Variants in ASTN1 observed in about 807,000 individuals in gnomAD.
The protein encoded by ASTN1 is astrotactin-1.
Under a neutral mutation model 140.7 loss-of-function variants are expected in ASTN1, and 41 were observed. That is an observed-to-expected ratio of 0.29 (90% CI 0.23 to 0.38). The LOEUF is 0.38. Among genes scored for constraint, ASTN1 ranks in the 10% least tolerant of loss-of-function variants. The pLI is 1.00. For missense variants in ASTN1, 1,479 were observed against 1,678.8 expected (o/e 0.88, Z 2.08); for synonymous variants, 640 against 652.2 (o/e 0.98, Z 0.29).
chr1:176,985,911 C>T (rs1673883025), intron 8 of ASTN1, among the ~76,000 whole-genome samples: 1 of 148,772 alleles, frequency 6.7e-6, no homozygotes, highest in Admixed American at 6.7e-5. Flanking sequence ...GCCTTTTCCT[C>T]CCATCTAGGG....
At chr1:177,035,548 G>C (rs991022530) in intron 2 of ASTN1, among the ~76,000 whole-genome samples, 1 of 152,182 alleles carries the variant, frequency 6.6e-6, no homozygotes, top group Non-Finnish European at 1.5e-5. Flanking sequence ...GTAAAAAGAC[G>C]ATACTCACAT....
At chr1:176,921,262 T>C (rs557411565) in intron 16 of ASTN1, among the ~76,000 whole-genome samples, 4 of 152,214 alleles carry the variant, frequency 2.6e-5, no homozygotes, top group Non-Finnish European at 5.9e-5. Flanking sequence ...TTGAACCAAC[T>C]TTCAAAGAGT....
chr1:177,032,204 G>A (rs954832562), intron 3 of ASTN1, among the ~76,000 whole-genome samples: 3 of 152,160 alleles, frequency 2.0e-5, no homozygotes, highest in Admixed American at 1.3e-4. Flanking sequence ...TCTGTTGAAC[G>A]TTAAAGTATG....
intron 16 of ASTN1, among the ~76,000 whole-genome samples, chr1:176,923,531 C>T (rs1032310518): frequency 2.0e-5 from 3 of 152,230 alleles, no homozygotes; most frequent in African/African-American, 7.2e-5. Flanking sequence ...ATAGTCAACT[C>T]CAGTCCAGAA....
At chr1:177,003,571 A>G (rs4650955) in intron 8 of ASTN1, among the ~76,000 whole-genome samples, 83,393 of 152,028 alleles carry the variant, frequency 0.55, 23,363 homozygotes, top group Non-Finnish European at 0.58. Context: ...AGCACCTTGG[A>G]AGGCCAAGGC....
At chr1:176,870,570 T>G (rs1192914395) in intron 21 of ASTN1, among the ~76,000 whole-genome samples, 1 of 152,220 alleles carries the variant, frequency 6.6e-6, no homozygotes, top group Non-Finnish European at 1.5e-5. Context: ...CCAAAAATGT[T>G]ACCTGAATGA....
intron 7 of ASTN1, among the ~76,000 whole-genome samples, chr1:177,019,669 G>A (rs1675720877): frequency 1.3e-5 from 2 of 152,112 alleles, no homozygotes; most frequent in South Asian, 4.1e-4. Context: ...TGGGCTGAGT[G>A]CTCTAGGTAT....
At chr1:177,145,801 C>G (rs1682694686) in intron 1 of ASTN1, among the ~76,000 whole-genome samples, 1 of 152,164 alleles carries the variant, frequency 6.6e-6, no homozygotes, top group African/African-American at 2.4e-5. Context: ...GAGATATAAA[C>G]CAAGTGCTGC....
intron 11 of ASTN1, among the ~76,000 whole-genome samples, chr1:176,952,446 C>G (rs1002467964): frequency 6.6e-6 from 1 of 151,972 alleles, no homozygotes; most frequent in Admixed American, 6.6e-5. Flanking sequence ...TGCACTGGAA[C>G]TTGCTTAGGC....
In ASTN1 at chr1:176,999,525, CAAG is replaced by C. The variant is rs145243534; in HGVS notation, c.1523+15263_1523+15265del. Among the ~76,000 whole-genome samples the C allele has an allele frequency of 3.5e-3, 530 of 152,282 alleles. 1 individual carries two copies. The highest frequency in any genetic ancestry group is 0.021 in the East Asian group (110 of 5,184). ...TCATGTGGAATTGAACAAGCATAGC[CAAG>C]AAGTTTTGAGTAAGGGGTTAAGTTC... On this transcript the variant is annotated intron_variant, in intron 8 of 22. Coordinates refer to ENST00000361833, the MANE Select transcript of ASTN1 (RefSeq NM_004319.3).
intron 11 of ASTN1, among the ~76,000 whole-genome samples, chr1:176,953,583 C>A (rs1189890219): frequency 6.6e-6 from 1 of 152,022 alleles, no homozygotes; most frequent in Non-Finnish European, 1.5e-5. Flanking sequence ...CTGGAAGCCT[C>A]TGAGGCACAC....
intron 16 of ASTN1, among the ~76,000 whole-genome samples, chr1:176,923,160 A>G (rs1289951378): frequency 6.6e-6 from 1 of 152,184 alleles, no homozygotes; most frequent in African/African-American, 2.4e-5. Flanking sequence ...AACTACTTCC[A>G]TTGCAATATC....
intron 17 of ASTN1, among the ~76,000 whole-genome samples, chr1:176,891,292 G>T (rs1669254431): frequency 6.6e-6 from 1 of 152,176 alleles, no homozygotes; most frequent in Non-Finnish European, 1.5e-5. Context: ...TGTCTCTAAG[G>T]AGAGTGGTTG....
At chr1:176,990,238 TG>T (rs1186691996) in intron 8 of ASTN1, among the ~76,000 whole-genome samples, 7 of 12,130 alleles carry the variant, frequency 5.8e-4, no homozygotes, top group East Asian at 3.5e-3. Context: ...ACAGCAGGGG[TG>T]GGGGGGTGGG....
intron 1 of ASTN1, among the ~76,000 whole-genome samples, chr1:177,082,190 A>G (rs1314777412): frequency 6.6e-6 from 1 of 152,208 alleles, no homozygotes; most frequent in Non-Finnish European, 1.5e-5. Flanking sequence ...AGTGATGGTA[A>G]GTGGAAGCCA....
chr1:177,116,181 C>T (rs1475474234), intron 1 of ASTN1, among the ~76,000 whole-genome samples: 1 of 152,172 alleles, frequency 6.6e-6, no homozygotes, highest in South Asian at 2.1e-4. Flanking sequence ...CAGGCACAGA[C>T]TGCTATATTA....
chr1:177,134,823 T>C (rs1682108279), intron 1 of ASTN1, among the ~76,000 whole-genome samples: 1 of 152,188 alleles, frequency 6.6e-6, no homozygotes, highest in East Asian at 1.9e-4. Context: ...ATAATCATTA[T>C]TTTCAGATAA....
At position 176,954,677 on chromosome 1, in the gene ASTN1, C is replaced by G. The variant is rs567378429; in HGVS notation, c.1887+3001G>C. ...TGTATATCACCAGTAAGGAACACAG[C>G]TCTTACCTTGCACACTAAGAACAAT... On this transcript the variant is annotated intron_variant, in intron 11 of 22. Transcript: ENST00000361833. Among the ~76,000 whole-genome samples the G allele has an allele frequency of 7.9e-5, 12 of 152,296 alleles. No homozygotes were observed. The South Asian group carries it at 2.5e-3, about 32-fold the overall frequency.
chr1:177,122,997 C>A (rs1415239925), intron 1 of ASTN1, among the ~76,000 whole-genome samples: 1 of 152,162 alleles, frequency 6.6e-6, no homozygotes, highest in Non-Finnish European at 1.5e-5. Flanking sequence ...AGCTCCAAGG[C>A]CAAGGCTCCT....
Sources: gnomAD v4.1 joint callset for allele counts (sites outside exome capture counted in the v4.1 genomes callset) on GRCh38, gnomAD v4.1.1 for gene constraint, MANE v1.5 for transcripts, NCBI Gene and HGNC (gene_info 2026-07-23, HGNC 2026-07-21) for gene names.